The following NFIB variants were observed in gnomAD, a reference collection of about 807,000 sequenced individuals.
NFIB encodes nuclear factor 1 B-type.
In NFIB, 11 loss-of-function variants were observed where a neutral mutation model predicts 61.5. The observed-to-expected ratio is 0.18, with a 90% CI of 0.11 to 0.30. NFIB has a LOEUF of 0.30. Ranked by LOEUF, NFIB falls within the 10% of genes least tolerant of loss-of-function variation. NFIB has a pLI of 1.00. For synonymous variants in NFIB, 260 were observed against 216.5 expected, an observed-to-expected ratio of 1.20 and a Z score of -1.76; for missense variants, 471 against 608.9, an observed-to-expected ratio of 0.77 and a Z score of 2.38.
At chr9:14,348,098 C>T (rs1327541269) in intron 1 of NFIB, among the ~76,000 whole-genome samples, 1 of 152,222 alleles carries the variant, frequency 6.6e-6, no homozygotes, top group South Asian at 2.1e-4. Context: ...CAAGTTCTCC[C>T]TGCACCCTGG....
chr9:14,271,232 C>T (rs1189644571), intron 2 of NFIB, among the ~76,000 whole-genome samples: 1 of 150,904 alleles, frequency 6.6e-6, no homozygotes, highest in Non-Finnish European at 1.5e-5. Context: ...CTCCCCACAC[C>T]CCTCCCCATG....
chr9:14,427,934 G>GTTGTTTTTTTTT, the NFIB span, among the ~76,000 whole-genome samples: 2 of 25,946 alleles, frequency 7.7e-5, no homozygotes, highest in South Asian at 2.6e-3. Flanking sequence ...CTTTAATTCA[G>GTTGTTTTTTTTT]TTGTTTTTTT....
At chr9:14,367,620 G>C (rs1405443516) in intron 1 of NFIB, among the ~76,000 whole-genome samples, 2 of 152,140 alleles carry the variant, frequency 1.3e-5, no homozygotes, top group African/African-American at 2.4e-5. Flanking sequence ...CAAAGACTTG[G>C]AAGCAACCCA....
intron 2 of NFIB, among the ~76,000 whole-genome samples, chr9:14,273,743 C>T (rs1422978209): frequency 2.0e-5 from 3 of 152,196 alleles, no homozygotes; most frequent in Non-Finnish European, 4.4e-5. Flanking sequence ...CTCATACCCA[C>T]TTAATCTCAG....
At chr9:14,374,840 G>A (rs1478933793) in intron 1 of NFIB, among the ~76,000 whole-genome samples, 2 of 152,142 alleles carry the variant, frequency 1.3e-5, no homozygotes, top group African/African-American at 4.8e-5. Context: ...AATCAGGGAG[G>A]CAGAGGTTGC....
chr9:14,323,955 C>T (rs955449942), intron 1 of NFIB, among the ~76,000 whole-genome samples: 1 of 152,096 alleles, frequency 6.6e-6, no homozygotes, highest in Non-Finnish European at 1.5e-5. Flanking sequence ...TTAGAAAATG[C>T]CCAACTTTAA....
chr9:14,375,676 A>T (rs76751507), intron 1 of NFIB, among the ~76,000 whole-genome samples: 20,194 of 151,976 alleles, frequency 0.13, 2,238 homozygotes, highest in African/African-American at 0.3. Context: ...AAAAAAGAAA[A>T]ACCTGGGAAC....
the NFIB span, among the ~76,000 whole-genome samples, chr9:14,514,311 CACAT>C: frequency 5.3e-5 from 8 of 150,614 alleles, no homozygotes; most frequent in South Asian, 4.2e-4. Context: ...CACACACATA[CACAT>C]ACATACATAC....
intron 2 of NFIB, among the ~76,000 whole-genome samples, chr9:14,268,106 G>C (rs552327960): frequency 1.6e-5 from 2 of 128,382 alleles, no homozygotes; most frequent in African/African-American, 2.9e-5. Context: ...GGCCGACATA[G>C]CAAGATTCCA....
intron 3 of NFIB, among the ~76,000 whole-genome samples, chr9:14,159,077 G>A (rs555790230): frequency 2.0e-5 from 3 of 152,316 alleles, no homozygotes; most frequent in Non-Finnish European, 4.4e-5. Flanking sequence ...TTAAGATGGA[G>A]TGGGGTGTGA....
chr9:14,384,208 C>T (rs2061523523), intron 1 of NFIB, among the ~76,000 whole-genome samples: 1 of 152,192 alleles, frequency 6.6e-6, no homozygotes, highest in South Asian at 2.1e-4. Context: ...GCAACATCTA[C>T]TGTCAGCTCC....
the NFIB span, among the ~76,000 whole-genome samples, chr9:14,419,982 G>T: frequency 2.4e-4 from 36 of 152,168 alleles, no homozygotes; most frequent in Non-Finnish European, 2.5e-4. Flanking sequence ...ATTTCCCAAG[G>T]CTACTTCATT....
intron 2 of NFIB, among the ~76,000 whole-genome samples, chr9:14,239,896 A>G (rs1257106840): frequency 6.6e-6 from 1 of 152,118 alleles, no homozygotes. Context: ...CACTTTTCCA[A>G]TGTAGAAACA....
chr9:14,361,485 A>C (rs2061240467), intron 1 of NFIB: 2 of 152,246 alleles, frequency 1.3e-5, no homozygotes, highest in African/African-American at 4.8e-5. Context: ...GAATATTTTC[A>C]TGAACAAGCA....
intron 4 of NFIB, among the ~76,000 whole-genome samples, chr9:14,153,223 T>C (rs1451230381): frequency 6.6e-6 from 1 of 152,088 alleles, no homozygotes; most frequent in Non-Finnish European, 1.5e-5. Flanking sequence ...ATGAGCACTG[T>C]AAAAATTTAG....
chr9:14,298,702 AC>A (rs765473359), intron 2 of NFIB, among the ~76,000 whole-genome samples: 6 of 152,220 alleles, frequency 3.9e-5, no homozygotes, highest in Non-Finnish European at 7.3e-5. Context: ...GTCAGCTATT[AC>A]CATTAAAGAA....
intron 8 of NFIB, among the ~76,000 whole-genome samples, chr9:14,117,865 A>C (rs1473802811): frequency 6.6e-6 from 1 of 152,124 alleles, no homozygotes; most frequent in African/African-American, 2.4e-5. Context: ...AATTAATCTC[A>C]AAATTGCTGT....
chr9:14,451,613 G>A, the NFIB span, among the ~76,000 whole-genome samples: 4 of 152,062 alleles, frequency 2.6e-5, no homozygotes, highest in East Asian at 1.9e-4. Context: ...ATCAAATATC[G>A]AACTAGCATA....
At chr9:14,115,647 G>C (rs2038015815) in intron 9 of NFIB, among the ~76,000 whole-genome samples, 1 of 152,090 alleles carries the variant, frequency 6.6e-6, no homozygotes, top group Non-Finnish European at 1.5e-5. Context: ...GATAGTGAAA[G>C]TACAGGTAGC....
Sources: gnomAD v4.1 joint callset for allele counts (sites outside exome capture counted in the v4.1 genomes callset) on GRCh38, gnomAD v4.1.1 for gene constraint, MANE v1.5 for transcripts, NCBI Gene and HGNC (gene_info 2026-07-23, HGNC 2026-07-21) for gene names.